The following TYW1 variants were observed in gnomAD, a reference collection of about 807,000 sequenced individuals.
TYW1 encodes the protein S-adenosyl-L-methionine-dependent tRNA 4-demethylwyosine synthase TYW1.
TYW1 carries 46 observed loss-of-function variants against 96.2 expected under a neutral mutation model. The observed-to-expected ratio is 0.48, with a 90% confidence interval of 0.38 to 0.61. The LOEUF (loss-of-function observed/expected upper bound fraction) is 0.61. Ranked by LOEUF, TYW1 falls within the 20% of genes least tolerant of loss-of-function variation. The probability of loss-of-function intolerance (pLI) is 0.00; values close to 1 mark genes in which losing one functional copy is unlikely to be tolerated. For synonymous variants in TYW1, 274 were observed against 323.0 expected (o/e 0.85, Z 1.63); for missense variants, 684 against 909.6 (o/e 0.75, Z 3.19).
intron 14 of TYW1, among the ~76,000 whole-genome samples, chr7:67,184,454 T>C (rs940108407): frequency 6.6e-6 from 1 of 152,104 alleles, no homozygotes; most frequent in African/African-American, 2.4e-5. Flanking sequence ...ACATAATGTC[T>C]GCTTGCCTCT....
intron 10 of TYW1, among the ~76,000 whole-genome samples, chr7:67,073,090 C>T (rs545814212): frequency 6.6e-6 from 1 of 151,940 alleles, no homozygotes; most frequent in South Asian, 2.1e-4. Flanking sequence ...TATTCTTTTA[C>T]TTGTATTTCC....
intron 7 of TYW1, among the ~76,000 whole-genome samples, chr7:67,030,003 G>T (rs1162865440): frequency 1.3e-5 from 2 of 152,156 alleles, no homozygotes; most frequent in Non-Finnish European, 2.9e-5. Flanking sequence ...GATACTCTGG[G>T]GAGTGGGCAT....
intron 10 of TYW1, among the ~76,000 whole-genome samples, chr7:67,071,719 C>A (rs1796036984): frequency 6.6e-6 from 1 of 152,124 alleles, no homozygotes; most frequent in Non-Finnish European, 1.5e-5. Flanking sequence ...CTCCCAGGTT[C>A]ATGCCATTCT....
At chr7:67,016,980 A>ATTT (rs35358824) in intron 5 of TYW1, among the ~76,000 whole-genome samples, 71 of 121,712 alleles carry the variant, frequency 5.8e-4, no homozygotes, top group Admixed American at 6.5e-4. Flanking sequence ...AGATATGTAA[A>ATTT]TTTTTTTTTT....
At chr7:67,148,614 G>A (rs1798687109) in intron 13 of TYW1, among the ~76,000 whole-genome samples, 1 of 151,948 alleles carries the variant, frequency 6.6e-6, no homozygotes, top group Admixed American at 6.6e-5. Context: ...TATATTTTTA[G>A]TAGAGACGGG....
intron 12 of TYW1, among the ~76,000 whole-genome samples, chr7:67,112,120 A>AAAAAAAAAAAAAAAAAAAAG (rs1424171580): frequency 6.7e-6 from 1 of 148,686 alleles, no homozygotes; most frequent in Admixed American, 6.8e-5. Flanking sequence ...AAAAAAAAAA[A>AAAAAAAAAAAAAAAAAAAAG]AAAGAAAGTG....
chr7:67,083,156 A>G lies in TYW1; in HGVS notation c.1275-274A>G, dbSNP rs571262287. On this transcript the variant is annotated intron_variant, in intron 10 of 15. Transcript: ENST00000359626. ...TGTACATTCACAGTTAACATGGTTA[A>G]AGCAGCAGAGAGCGTTCTGTCAACC... Among the ~76,000 whole-genome samples the G allele has an allele frequency of 1.1e-3, 160 of 152,320 alleles. 1 individual carries two copies. The highest frequency in any genetic ancestry group is 1.6e-3 in the Non-Finnish European group (111 of 68,026).
chr7:67,172,452 ACT>A (rs1799546119), intron 13 of TYW1, among the ~76,000 whole-genome samples: 1 of 139,142 alleles, frequency 7.2e-6, no homozygotes, highest in South Asian at 2.3e-4. Context: ...ATGGAGTCTC[ACT>A]CTGTTGCCCA....
intron 15 of TYW1, among the ~76,000 whole-genome samples, chr7:67,207,067 A>G (rs1008155707): frequency 1.1e-4 from 16 of 152,184 alleles, no homozygotes; most frequent in African/African-American, 3.1e-4. Context: ...ACCCACCCCA[A>G]TTCACCTTGT....
chr7:67,098,528 C>T lies in TYW1; in HGVS notation c.1385-13C>T. On this transcript the variant is annotated splice_polypyrimidine_tract_variant and intron_variant, in intron 11 of 15. Transcript: ENST00000359626. ...GCCTTATGTAGCTGGGTCCTTCTCA[C>T]TGTATTCTCCAGGAGTACCGGGCGT... is the stretch of plus-strand genomic sequence containing the variant. 1.3e-6 allele frequency: 2 copies of T among 1,553,130 alleles called. No individual in the cohort carries two copies. Among genetic ancestry groups the T allele is most frequent in the Non-Finnish European group, 1.7e-6 (2 of 1,145,872 alleles).
intron 15 of TYW1, among the ~76,000 whole-genome samples, chr7:67,222,924 G>A (rs575798607): frequency 1.4e-5 from 2 of 140,626 alleles, no homozygotes; most frequent in Non-Finnish European, 3.0e-5. Flanking sequence ...CCTGTTTTCA[G>A]GTTCACTAAT....
At chr7:67,064,689 G>A (rs1302464855) in intron 9 of TYW1, among the ~76,000 whole-genome samples, 1 of 152,174 alleles carries the variant, frequency 6.6e-6, no homozygotes, top group African/African-American at 2.4e-5. Context: ...TGACCCCTGT[G>A]ATTCAGTTCC....
At chr7:67,229,597 A>G (rs1462281315) in intron 15 of TYW1, among the ~76,000 whole-genome samples, 1 of 152,118 alleles carries the variant, frequency 6.6e-6, no homozygotes, top group Non-Finnish European at 1.5e-5. Context: ...AGTTAAACAA[A>G]GGGAGTTAAC....
intron 12 of TYW1, among the ~76,000 whole-genome samples, chr7:67,115,452 A>G (rs904384381): frequency 1.1e-4 from 17 of 152,226 alleles, no homozygotes; most frequent in Non-Finnish European, 5.9e-5. Context: ...TTGCAGAGGC[A>G]TTAAAGCAAT....
At chr7:67,030,585 T>C (rs1267058780) in intron 7 of TYW1, among the ~76,000 whole-genome samples, 1 of 152,106 alleles carries the variant, frequency 6.6e-6, no homozygotes, top group East Asian at 1.9e-4. Flanking sequence ...TGAGCCAAGA[T>C]TGCACCATTG....
At chr7:67,212,062 A>G (rs1477948804) in intron 15 of TYW1, among the ~76,000 whole-genome samples, 2 of 152,164 alleles carry the variant, frequency 1.3e-5, no homozygotes, top group African/African-American at 4.8e-5. Context: ...ATTTACCATG[A>G]CAGTATCACT....
intron 7 of TYW1, among the ~76,000 whole-genome samples, chr7:67,035,171 T>A (rs1221471613): frequency 6.6e-6 from 1 of 150,938 alleles, no homozygotes; most frequent in East Asian, 1.9e-4. Flanking sequence ...CAGGCTGGAG[T>A]GTAGTAGTGT....
chr7:67,149,458 C>T (rs1412930367), intron 13 of TYW1, among the ~76,000 whole-genome samples: 1 of 152,112 alleles, frequency 6.6e-6, no homozygotes, highest in African/African-American at 2.4e-5. Flanking sequence ...TTGCCACTTT[C>T]CTAGGAATAA....
chr7:67,211,150 TTGTGTGTGTG>T (rs61112149), intron 15 of TYW1, among the ~76,000 whole-genome samples: 10,965 of 125,762 alleles, frequency 0.087, 820 homozygotes, highest in East Asian at 0.25. Flanking sequence ...CCCATCAACA[TTGTGTGTGTG>T]TGTGTGTGTG....
Sources: allele counts gnomAD v4.1 joint callset (sites outside exome capture counted in the v4.1 genomes callset), GRCh38; gene constraint gnomAD v4.1.1; transcripts MANE v1.5; gene names NCBI Gene and HGNC (gene_info 2026-07-23, HGNC 2026-07-21).